Variants in SPSB1 observed in about 807,000 individuals in gnomAD.
SPSB1 encodes the protein splA/ryanodine receptor domain and SOCS box containing 1.
Under a neutral mutation model 21.2 loss-of-function variants are expected in SPSB1, and 8 were observed. The ratio of observed to expected loss-of-function variants is 0.38; its 90% confidence interval spans 0.22 to 0.68. The LOEUF (loss-of-function observed/expected upper bound fraction) is 0.68, where lower values mean the gene tolerates loss of function less well. Among genes scored for constraint, SPSB1 ranks in the 30% least tolerant of loss-of-function variants. The probability of loss-of-function intolerance (pLI) is 0.53; values close to 1 mark genes in which losing one functional copy is unlikely to be tolerated. For synonymous variants in SPSB1, 169 were observed against 161.7 expected (o/e 1.05, Z -0.34); for missense variants, 242 against 377.8 (o/e 0.64, Z 2.98).
chr1:9,321,108 AC>A lies in SPSB1; in HGVS notation c.-150+28041del, dbSNP rs1639715678. 6.6e-6 allele frequency among the ~76,000 whole-genome samples: 1 copy of A among 151,456 alleles called. No individual in the cohort carries two copies. The highest frequency in any genetic ancestry group is 6.6e-5 in the Admixed American group (1 of 15,192). On this transcript the variant is annotated intron_variant, in intron 1 of 2. Coordinates refer to ENST00000328089, the MANE Select transcript of SPSB1 (RefSeq NM_025106.4). This position sits in a 1 kb window ranked among gnomAD's most constrained non-coding sequence, Gnocchi z 4.8. Reference sequence around the variant, plus strand: ...GTTTCCCTTTCAGCCTTTTCCTTCTACCCCTCCCCCGAAAAGAAAACAACAA... The same window carrying A: ...GTTTCCCTTTCAGCCTTTTCCTTCTACCCTCCCCCGAAAAGAAAACAACAA...
intron 1 of SPSB1, among the ~76,000 whole-genome samples, chr1:9,335,847 C>G (rs1182243136): frequency 6.6e-6 from 1 of 151,896 alleles, no homozygotes; most frequent in Non-Finnish European, 1.5e-5. Flanking sequence ...TCTCTGGTCC[C>G]TTGATCAGTG....
At chr1:9,338,140 C>T (rs112386829) in intron 1 of SPSB1, among the ~76,000 whole-genome samples, 3,638 of 152,316 alleles carry the variant, frequency 0.024, 97 homozygotes, top group African/African-American at 0.064. Flanking sequence ...CCTGTCCCCT[C>T]GCTCCTCCCC....
At chr1:9,325,200 G>C (rs1639795549) in intron 1 of SPSB1, among the ~76,000 whole-genome samples, 1 of 147,050 alleles carries the variant, frequency 6.8e-6, no homozygotes, top group African/African-American at 2.5e-5. Context: ...CCGCCCTCCG[G>C]CCTGAGCCAA....
At chr1:9,364,007 A>G (rs1462194386) in intron 2 of SPSB1, among the ~76,000 whole-genome samples, 1 of 152,062 alleles carries the variant, frequency 6.6e-6, no homozygotes, top group Non-Finnish European at 1.5e-5. Context: ...GCCTAGAAAC[A>G]TTTCTTCATG....
chr1:9,302,650 C>A (rs1276114068), intron 1 of SPSB1, among the ~76,000 whole-genome samples: 1 of 152,162 alleles, frequency 6.6e-6, no homozygotes, highest in Non-Finnish European at 1.5e-5. Flanking sequence ...CTGGGAATGA[C>A]CACGTTCCCC....
rs1639144656 is a variant in SPSB1 at position 9,292,997 on chromosome 1, T to TGCGGCGGGC, written c.-218_-210dup. On this transcript the variant is annotated 5_prime_UTR_variant, in exon 1 of 3. Coordinates refer to ENST00000328089, the MANE Select transcript of SPSB1 (RefSeq NM_025106.4). ...GCGGGGAGGAGGCGACTTCGCTCCC[T>TGCGGCGGGC]GCGGCGGGCGCGGCCCGGGCGCCCG... 1.0e-6 allele frequency: 1 copy of TGCGGCGGGC among 982,318 alleles called. No individual in the cohort carries two copies. Among genetic ancestry groups the TGCGGCGGGC allele is most frequent in the African/African-American group, 1.8e-5 (1 of 56,624 alleles). 60.9% of individuals were successfully genotyped at this position (982,318 alleles called of 1,614,324 possible). A position where few individuals can be genotyped will look rare whatever the true frequency, so the allele number is the denominator to read the frequency against.
At chr1:9,340,282 T>G (rs924606210) in intron 1 of SPSB1, among the ~76,000 whole-genome samples, 3 of 150,778 alleles carry the variant, frequency 2.0e-5, no homozygotes, top group African/African-American at 4.9e-5. Context: ...AGGAGGGGCC[T>G]GGGGGGGAAG....
At chr1:9,353,368 T>C (rs935257607) in intron 1 of SPSB1, among the ~76,000 whole-genome samples, 1 of 152,012 alleles carries the variant, frequency 6.6e-6, no homozygotes, top group Non-Finnish European at 1.5e-5. Context: ...AGCCACAGGG[T>C]GTCCCTCTGC....
chr1:9,332,948 G>C (rs1399125800), intron 1 of SPSB1, among the ~76,000 whole-genome samples: 2 of 152,224 alleles, frequency 1.3e-5, no homozygotes, highest in African/African-American at 2.4e-5. Context: ...ATCGGCTGTG[G>C]GTGGTTCTGG....
intron 1 of SPSB1, among the ~76,000 whole-genome samples, chr1:9,307,219 T>C (rs765675727): frequency 3.7e-4 from 56 of 152,228 alleles, no homozygotes; most frequent in Non-Finnish European, 6.6e-4. Flanking sequence ...TGAGCCACTG[T>C]GCCTGGCCGT....
intron 1 of SPSB1, among the ~76,000 whole-genome samples, chr1:9,350,708 G>A (rs767602582): frequency 1.6e-4 from 24 of 152,222 alleles, no homozygotes; most frequent in Non-Finnish European, 2.6e-4. Context: ...CGCCCTTTGC[G>A]TCTGCTCCTC....
At chr1:9,336,596 C>T (rs1053168265) in intron 1 of SPSB1, among the ~76,000 whole-genome samples, 1 of 152,130 alleles carries the variant, frequency 6.6e-6, no homozygotes. Flanking sequence ...CCTCTGCCCG[C>T]GTGCGTTCAA....
At chr1:9,365,204 G>T (rs1009646658) in intron 2 of SPSB1, among the ~76,000 whole-genome samples, 1 of 152,200 alleles carries the variant, frequency 6.6e-6, no homozygotes, top group Admixed American at 6.5e-5. Flanking sequence ...CTGGAATACA[G>T]TGGCACAATC....
At chr1:9,365,780 T>G (rs1640559960) in intron 2 of SPSB1, among the ~76,000 whole-genome samples, 1 of 152,168 alleles carries the variant, frequency 6.6e-6, no homozygotes, top group Non-Finnish European at 1.5e-5. Context: ...CTTTTAGTTT[T>G]GGGGGCTATT....
At chr1:9,297,436 C>A (rs1293543573) in intron 1 of SPSB1, among the ~76,000 whole-genome samples, 1 of 152,060 alleles carries the variant, frequency 6.6e-6, no homozygotes, top group Admixed American at 6.6e-5. Context: ...CAGAGTGTGG[C>A]CAATCTGGTC....
At chr1:9,337,567 G>A (rs573725855) in intron 1 of SPSB1, among the ~76,000 whole-genome samples, 1 of 152,190 alleles carries the variant, frequency 6.6e-6, no homozygotes, top group Non-Finnish European at 1.5e-5. Flanking sequence ...AGCCCTCTGC[G>A]GGCTTTTCTC....
rs570563630 is a variant in SPSB1 at position 9,346,511 on chromosome 1, A to G, written c.-149-9232A>G. ...TCAACAGACCTCTTCCTAAAACACC[A>G]CCACAAACAGGTAATTTTTAGAGGA... On this transcript the variant is annotated intron_variant, in intron 1 of 2. Transcript: ENST00000328089. This position sits in a 1 kb window ranked among gnomAD's most constrained non-coding sequence, Gnocchi z 4.4. 1.3e-5 allele frequency among the ~76,000 whole-genome samples: 2 copies of G among 152,274 alleles called. No homozygotes were observed. The highest frequency in any genetic ancestry group is 4.8e-5 in the African/African-American group (2 of 41,568).
intron 1 of SPSB1, among the ~76,000 whole-genome samples, chr1:9,337,575 C>T (rs1196010712): frequency 2.6e-5 from 4 of 152,214 alleles, no homozygotes; most frequent in Admixed American, 2.0e-4. Flanking sequence ...GCGGGCTTTT[C>T]TCCCCTTCAG....
rs1640512679 is a variant in SPSB1, at chr1:9,363,674, G to T, written c.695-3774G>T. 6.6e-6 allele frequency among the ~76,000 whole-genome samples: 1 copy of T among 152,136 alleles called. No individual in the cohort carries two copies. The highest frequency in any genetic ancestry group is 2.1e-4 in the South Asian group (1 of 4,832). ...AATAAGGCACTGGATGGAGCTGGGG[G>T]CTCATGTGGGCCTCTGCAGTTTTAG... On this transcript the variant is annotated intron_variant, in intron 2 of 2. Coordinates refer to ENST00000328089, the MANE Select transcript of SPSB1 (RefSeq NM_025106.4). This position sits in a 1 kb window ranked among gnomAD's most constrained non-coding sequence, Gnocchi z 4.5.
Sources: allele counts gnomAD v4.1 joint callset (sites outside exome capture counted in the v4.1 genomes callset), GRCh38; gene constraint gnomAD v4.1.1; non-coding constraint Gnocchi (gnomAD v3.1); transcripts MANE v1.5; gene names NCBI Gene and HGNC (gene_info 2026-07-23, HGNC 2026-07-21).